Variants in PRSS38 observed in about 807,000 individuals in gnomAD.
The protein encoded by PRSS38 is serine protease 38.
In PRSS38, 22 loss-of-function variants were observed where a neutral mutation model predicts 26.8. The observed-to-expected ratio is 0.82, with a 90% confidence interval of 0.59 to 1.17. The LOEUF is 1.17. Ranked by LOEUF, PRSS38 falls within the 50% of genes most tolerant of loss-of-function variation. The probability of loss-of-function intolerance (pLI) is 0.00; values close to 1 mark genes in which losing one functional copy is unlikely to be tolerated. For missense variants in PRSS38, 427 were observed against 422.7 expected (o/e 1.01, Z -0.09); for synonymous variants, 175 against 172.1 (o/e 1.02, Z -0.13).
chr1:227,816,211 C>G lies in PRSS38; in HGVS notation c.270C>G (p.Leu90=). The G allele has an allele frequency of 6.2e-7, 1 of 1,613,692 alleles. No homozygotes were observed. Among genetic ancestry groups the G allele is most frequent in the Non-Finnish European group, 8.5e-7 (1 of 1,179,834 alleles). The change falls in exon 2 of 5, where the codon CTC becomes CTG. Residue 90 remains leucine, a synonymous_variant. Transcript: ENST00000366757. The surrounding 1 kb of genome is among the most constrained non-coding windows in gnomAD (Gnocchi z 5.1). ...TCCACGTCTGCGGCGGCTCCATCCTCAATGAGTACTGGGTGCTGTCAGCTG... is the reference window on the plus strand; with the variant it reads ...TCCACGTCTGCGGCGGCTCCATCCTGAATGAGTACTGGGTGCTGTCAGCTG...
At chr1:227,831,870 A>G (rs970734508) in intron 3 of PRSS38, among the ~76,000 whole-genome samples, 9 of 152,308 alleles carry the variant, frequency 5.9e-5, no homozygotes, top group African/African-American at 2.2e-4. Context: ...GAAAGAAAGA[A>G]AAAGAAAAAA....
intron 3 of PRSS38, among the ~76,000 whole-genome samples, chr1:227,835,926 T>TA (rs745810383): frequency 6.6e-6 from 1 of 152,194 alleles, no homozygotes; most frequent in Admixed American, 6.5e-5. Flanking sequence ...TAATGTAACG[T>TA]AAATTTTGCC....
chr1:227,835,610 C>T (rs1665226871), intron 3 of PRSS38, among the ~76,000 whole-genome samples: 1 of 152,136 alleles, frequency 6.6e-6, no homozygotes, highest in Non-Finnish European at 1.5e-5. Flanking sequence ...GGGGCATAAA[C>T]ATAGGATGGA....
At chr1:227,845,889 G>T in intron 4 of PRSS38, 65 bp from the exon 5 acceptor site, 2 of 1,583,784 alleles carry the variant, frequency 1.3e-6, no homozygotes, top group Non-Finnish European at 1.7e-6. Context: ...CACCCTGGGG[G>T]ACAGGTGCAG....
intron 3 of PRSS38, among the ~76,000 whole-genome samples, chr1:227,833,553 C>T (rs1303350054): frequency 1.3e-5 from 2 of 151,358 alleles, no homozygotes; most frequent in African/African-American, 4.9e-5. Flanking sequence ...CGTTGAAGGA[C>T]TCATACTTCC....
At chr1:227,821,769 C>T (rs1665006345) in intron 3 of PRSS38, among the ~76,000 whole-genome samples, 1 of 151,982 alleles carries the variant, frequency 6.6e-6, no homozygotes, top group South Asian at 2.1e-4. Context: ...AGATTCATTG[C>T]CTTTAGTTTT....
intron 3 of PRSS38, among the ~76,000 whole-genome samples, chr1:227,830,187 G>C (rs1426151429): frequency 1.3e-5 from 2 of 152,046 alleles, no homozygotes; most frequent in African/African-American, 4.8e-5. Context: ...GAATCAATTT[G>C]TTAATACTTT....
chr1:227,817,174 C>A, intron 2 of PRSS38, 35 bp from the exon 3 acceptor site: 1 of 1,593,800 alleles, frequency 6.3e-7, no homozygotes, highest in Non-Finnish European at 8.6e-7. Flanking sequence ...ACACAGGAAG[C>A]TGCGGGCATT....
intron 3 of PRSS38, 31 bp downstream of exon 3, chr1:227,817,511 G>A (rs1319823452): frequency 9.4e-6 from 15 of 1,602,782 alleles, no homozygotes; most frequent in Non-Finnish European, 1.3e-5. Context: ...TTTGTGGGCA[G>A]GATGAAGGCT....
intron 3 of PRSS38, among the ~76,000 whole-genome samples, chr1:227,818,185 A>C (rs1167745668): frequency 6.6e-6 from 1 of 152,220 alleles, no homozygotes; most frequent in Non-Finnish European, 1.5e-5. Flanking sequence ...GGAAATGCTT[A>C]TAATGGTTCA....
intron 3 of PRSS38, among the ~76,000 whole-genome samples, chr1:227,819,799 A>G (rs977031635): frequency 2.0e-5 from 3 of 152,172 alleles, no homozygotes; most frequent in Non-Finnish European, 2.9e-5. Context: ...TAGGAACACA[A>G]CTGATTTTTG....
intron 3 of PRSS38, among the ~76,000 whole-genome samples, chr1:227,828,306 T>C (rs1665103715): frequency 6.6e-6 from 1 of 152,220 alleles, no homozygotes; most frequent in African/African-American, 2.4e-5. Flanking sequence ...TATCCCACTA[T>C]TACTGTGTGG....
intron 3 of PRSS38, among the ~76,000 whole-genome samples, chr1:227,825,181 T>C (rs577147210): frequency 6.6e-6 from 1 of 152,304 alleles, no homozygotes; most frequent in East Asian, 1.9e-4. Flanking sequence ...TAGATTTTCT[T>C]CTAGGTTTTT....
At chr1:227,842,511 T>C (rs1292703902) in intron 3 of PRSS38, among the ~76,000 whole-genome samples, 2 of 152,188 alleles carry the variant, frequency 1.3e-5, no homozygotes, top group African/African-American at 4.8e-5. Context: ...AACTAGAGCA[T>C]TGACAATAAC....
At chr1:227,846,308 C>A in exon 5 of PRSS38, 2 of 1,441,720 alleles carry the variant, frequency 1.4e-6, no homozygotes, top group South Asian at 1.3e-5. Flanking sequence ...CTCTCTGAAG[C>A]AGACAAGGGC....
chr1:227,838,395 T>A (rs767829465), intron 3 of PRSS38, among the ~76,000 whole-genome samples: 8 of 152,176 alleles, frequency 5.3e-5, no homozygotes, highest in Non-Finnish European at 8.8e-5. Flanking sequence ...TCCATGGCCC[T>A]CTCCTGAGCA....
chr1:227,837,894 T>A (rs76265232), intron 3 of PRSS38, among the ~76,000 whole-genome samples: 13 of 152,314 alleles, frequency 8.5e-5, no homozygotes, highest in African/African-American at 3.1e-4. Context: ...TCTACCGCAC[T>A]GGCTTGGTTT....
intron 3 of PRSS38, among the ~76,000 whole-genome samples, chr1:227,835,764 C>T (rs1341731875): frequency 6.6e-6 from 1 of 152,184 alleles, no homozygotes; most frequent in Non-Finnish European, 1.5e-5. Flanking sequence ...GCAAATCATA[C>T]AGATGGAATA....
At chr1:227,819,794 A>G (rs1010298392) in intron 3 of PRSS38, among the ~76,000 whole-genome samples, 1 of 152,172 alleles carries the variant, frequency 6.6e-6, no homozygotes, top group Non-Finnish European at 1.5e-5. Flanking sequence ...GTGTATAGGA[A>G]CACAACTGAT....
Sources: allele counts gnomAD v4.1 joint callset (sites outside exome capture counted in the v4.1 genomes callset), GRCh38; gene constraint gnomAD v4.1.1; non-coding constraint Gnocchi (gnomAD v3.1); transcripts MANE v1.5; gene names NCBI Gene and HGNC (gene_info 2026-07-23, HGNC 2026-07-21).